LGSN: variants seen among roughly 807,000 people sequenced by gnomAD.
LGSN encodes the protein lengsin.
Under a neutral mutation model 19.5 loss-of-function variants are expected in LGSN, and 21 were observed. The observed-to-expected ratio is 1.07, with a 90% CI of 0.76 to 1.55. The LOEUF is 1.55. LGSN is among the 40% of genes most tolerant of loss of function. The pLI, the probability that LGSN is intolerant of heterozygous loss-of-function variation, is 0.00. For missense variants in LGSN, 673 were observed against 608.5 expected, an observed-to-expected ratio of 1.11 and a Z score of -1.12; for synonymous variants, 257 against 215.6, an observed-to-expected ratio of 1.19 and a Z score of -1.68.
At chr6:63,452,279 T>A in the LGSN span, among the ~76,000 whole-genome samples, 1 of 152,246 alleles carries the variant, frequency 6.6e-6, no homozygotes, top group South Asian at 2.1e-4. Context: ...GACAGGATTG[T>A]CCTCTGTCAC....
chr6:63,455,856 C>T, the LGSN span, among the ~76,000 whole-genome samples: 1 of 152,144 alleles, frequency 6.6e-6, no homozygotes, highest in East Asian at 1.9e-4. Flanking sequence ...AGGAGGATCA[C>T]TAGAGCCCAG....
chr6:63,334,559 C>A, the LGSN span, among the ~76,000 whole-genome samples: 1 of 152,152 alleles, frequency 6.6e-6, no homozygotes, highest in Non-Finnish European at 1.5e-5. Context: ...ATATTCAATG[C>A]AATCCCTATC....
In LGSN at chr6:63,285,710, G is replaced by A. The variant is rs151061461; in HGVS notation, c.207C>T (p.Leu69=). The A allele has an allele frequency of 4.6e-5, 74 of 1,613,930 alleles. No homozygotes were observed. The highest frequency in any genetic ancestry group is 6.2e-5 in the Non-Finnish European group (73 of 1,179,948). Residue 69 remains leucine (L), a synonymous_variant, in exon 3 of 4, where the codon CTC becomes CTT. Transcript: ENST00000370657. ...DSSQILTPPQ[L]SSRMKHIRQA... is the part of the protein sequence containing the mutation. ...GTCTAATGTGTTTCATTCTAGAAGA[G>A]AGTTGAGGTGGGGTCAAAATTTGAC...
At chr6:63,498,368 G>A in the LGSN span, among the ~76,000 whole-genome samples, 3 of 151,980 alleles carry the variant, frequency 2.0e-5, no homozygotes, top group Non-Finnish European at 4.4e-5. Context: ...AAAAAACCTG[G>A]TCAGAGCAAC....
chr6:63,437,728 G>A, the LGSN span, among the ~76,000 whole-genome samples: 1 of 152,046 alleles, frequency 6.6e-6, no homozygotes, highest in African/African-American at 2.4e-5. Flanking sequence ...TCAGGAGTTC[G>A]AGACCAGCCT....
chr6:63,312,276 T>C (rs1414545477), intron 1 of LGSN, among the ~76,000 whole-genome samples: 1 of 151,154 alleles, frequency 6.6e-6, no homozygotes, highest in Non-Finnish European at 1.5e-5. Flanking sequence ...TGTAGATATC[T>C]CTTCAACATA....
At chr6:63,494,153 T>C in the LGSN span, among the ~76,000 whole-genome samples, 2 of 152,086 alleles carry the variant, frequency 1.3e-5, no homozygotes, top group Non-Finnish European at 2.9e-5. Context: ...TTTCACCATG[T>C]TGGCCAAGCT....
the LGSN span, among the ~76,000 whole-genome samples, chr6:63,371,275 G>A: frequency 6.6e-6 from 1 of 152,140 alleles, no homozygotes; most frequent in African/African-American, 2.4e-5. Flanking sequence ...CAGGACCAAG[G>A]TCAGTCCCTG....
At chr6:63,387,460 C>T in the LGSN span, among the ~76,000 whole-genome samples, 1 of 152,082 alleles carries the variant, frequency 6.6e-6, no homozygotes, top group African/African-American at 2.4e-5. Context: ...TATATAGAAG[C>T]ATATGCATAG....
the LGSN span, among the ~76,000 whole-genome samples, chr6:63,549,792 T>C: frequency 8.3e-4 from 126 of 151,692 alleles, 3 homozygotes; most frequent in East Asian, 0.024. Flanking sequence ...TAGAACAGGG[T>C]ATACTAGAGG....
At chr6:63,355,515 G>A in the LGSN span, among the ~76,000 whole-genome samples, 2 of 152,126 alleles carry the variant, frequency 1.3e-5, no homozygotes, top group Admixed American at 6.5e-5. Flanking sequence ...GAAATTTATT[G>A]TGTCATTAAT....
At chr6:63,530,622 A>G in the LGSN span, among the ~76,000 whole-genome samples, 3 of 152,202 alleles carry the variant, frequency 2.0e-5, no homozygotes, top group Non-Finnish European at 4.4e-5. Flanking sequence ...GGTCATAGGG[A>G]ATAATAGAAA....
chr6:63,491,425 C>A, the LGSN span, among the ~76,000 whole-genome samples: 2 of 116,084 alleles, frequency 1.7e-5, no homozygotes, highest in African/African-American at 9.1e-5. Flanking sequence ...TCAAAACACA[C>A]CAAAGCCAAA....
chr6:63,459,939 C>T, the LGSN span, among the ~76,000 whole-genome samples: 1 of 151,810 alleles, frequency 6.6e-6, no homozygotes, highest in East Asian at 1.9e-4. Context: ...TTCTGATCAC[C>T]TAATAATGCT....
At chr6:63,460,249 C>T in the LGSN span, among the ~76,000 whole-genome samples, 5 of 151,748 alleles carry the variant, frequency 3.3e-5, no homozygotes, top group African/African-American at 9.7e-5. Flanking sequence ...TGAGCCACCA[C>T]ACCCGGCCCC....
chr6:63,411,712 C>T, the LGSN span, among the ~76,000 whole-genome samples: 1 of 151,970 alleles, frequency 6.6e-6, no homozygotes, highest in East Asian at 1.9e-4. Flanking sequence ...TGGTGGTGTG[C>T]ACCTGTAGTC....
At chr6:63,301,742 G>T (rs954896536) in intron 1 of LGSN, among the ~76,000 whole-genome samples, 11 of 152,112 alleles carry the variant, frequency 7.2e-5, no homozygotes, top group African/African-American at 2.7e-4. Context: ...TCCACCTTTT[G>T]AGTAAAATGC....
chr6:63,348,875 G>A, the LGSN span, among the ~76,000 whole-genome samples: 1 of 151,482 alleles, frequency 6.6e-6, no homozygotes, highest in Non-Finnish European at 1.5e-5. Context: ...ACAGGCATGA[G>A]CCACCACACC....
the LGSN span, among the ~76,000 whole-genome samples, chr6:63,449,274 G>C: frequency 6.6e-6 from 1 of 152,180 alleles, no homozygotes; most frequent in South Asian, 2.1e-4. Context: ...AAAAGAAAAA[G>C]ACAGGCTGGG....
Sources: gnomAD v4.1 joint callset for allele counts (sites outside exome capture counted in the v4.1 genomes callset) on GRCh38, gnomAD v4.1.1 for gene constraint, MANE v1.5 for transcripts, NCBI Gene and HGNC (gene_info 2026-07-23, HGNC 2026-07-21) for gene names.